HSP90AB1: variants seen among roughly 807,000 people sequenced by gnomAD.
HSP90AB1 encodes heat shock protein HSP 90-beta.
In HSP90AB1, 17 loss-of-function variants were observed where a neutral mutation model predicts 67.8. The observed-to-expected ratio is 0.25, with a 90% confidence interval of 0.17 to 0.38. The LOEUF is 0.38. Ranked by LOEUF, HSP90AB1 falls within the 10% of genes least tolerant of loss-of-function variation. HSP90AB1 has a pLI of 1.00. For missense variants in HSP90AB1, 690 were observed against 899.9 expected, an observed-to-expected ratio of 0.77 and a Z score of 2.98; for synonymous variants, 390 against 312.9, an observed-to-expected ratio of 1.25 and a Z score of -2.60.
At position 44,248,658 on chromosome 6, in the gene HSP90AB1, A is replaced by C. The variant is rs769848345; in HGVS notation, c.29A>C (p.Glu10Ala). The part of the protein sequence containing the change: MPEEVHHGE[E>A]EVETFAFQAE... ...CCTGAGGAAGTGCACCATGGAGAGGAGGAGGTGGAGACTTTTGCCTTTCAG... is the reference window on the plus strand; with the variant it reads ...CCTGAGGAAGTGCACCATGGAGAGGCGGAGGTGGAGACTTTTGCCTTTCAG... Residue 10 changes from glutamate (E) to alanine (A), a missense_variant, in exon 2 of 12, where the codon GAG (glutamate) becomes GCG (alanine). By Grantham distance (107) the Glu-to-Ala change is moderately radical. Around this residue, in one of 7 missense-constraint regions of HSP90AB1, gnomAD observed 25 missense variants for 18.0 expected, o/e 1.39. Transcript: ENST00000371646. 1.9e-6 allele frequency: 3 copies of C among 1,613,790 alleles called. No individual in the cohort carries two copies. In the Admixed American group the frequency reaches 5.0e-5, roughly 27 times the overall value.
At chr6:44,248,923 C>A in intron 2 of HSP90AB1, 147 bp downstream of exon 2, 1 of 755,654 alleles carries the variant, frequency 1.3e-6, no homozygotes, top group Non-Finnish European at 2.2e-6. Flanking sequence ...TTACTCTGGC[C>A]ATCTTGAACT....
chr6:44,249,224 G>C (rs1039674919), intron 2 of HSP90AB1, among the ~76,000 whole-genome samples, 153 bp from the exon 3 acceptor site: 2 of 152,234 alleles, frequency 1.3e-5, no homozygotes, highest in Non-Finnish European at 2.9e-5. Flanking sequence ...TGTAGTCCCA[G>C]CTACTTGGGA....
At position 44,253,883 on chromosome 6, in the gene HSP90AB1, A is replaced by C. The variant is rs1446987810; in HGVS notation, c.*285A>C. 1 of 651,822 alleles carries C rather than the reference A, an allele frequency of 1.5e-6. No homozygotes were observed. Among genetic ancestry groups the C allele is most frequent in the East Asian group, 3.1e-5 (1 of 32,196 alleles). 40.4% of individuals were successfully genotyped at this position (651,822 alleles called of 1,614,324 possible). A position where few individuals can be genotyped will look rare whatever the true frequency, so the allele number is the denominator to read the frequency against. ...AATAAAGAATATGCCGTTTTTATAC[A>C]GTTCTGCTTTCCCTTGTGAAGTGGA... On this transcript the variant is annotated 3_prime_UTR_variant, in exon 12 of 12. Transcript: ENST00000371646.
chr6:44,247,724 C>G (rs911637537), intron 1 of HSP90AB1: 1 of 152,236 alleles, frequency 6.6e-6, no homozygotes, highest in African/African-American at 2.4e-5. Flanking sequence ...GATACTCCCT[C>G]CTTCCAGATC....
Position 44,251,996 on chromosome 6 carries a change from C to T in HSP90AB1, c.1463-3C>T, listed in dbSNP as rs1780701435. ...TCACTGAGTTCATTTAATTACCCTACAGGTGAGAGCAAAGAGCAGGTGGCC... is the reference window on the plus strand; with the variant it reads ...TCACTGAGTTCATTTAATTACCCTATAGGTGAGAGCAAAGAGCAGGTGGCC... On this transcript the variant is annotated splice_region_variant and splice_polypyrimidine_tract_variant and intron_variant, in intron 9 of 11. Transcript: ENST00000371646. The T allele has an allele frequency of 6.2e-7, 1 of 1,614,182 alleles. No individual in the cohort carries two copies. The highest frequency in any genetic ancestry group is 8.5e-7 in the Non-Finnish European group (1 of 1,180,028).
chr6:44,252,241 G>C lies in HSP90AB1; in HGVS notation c.1705G>C (p.Glu569Gln). 1 of 1,613,970 alleles carries C rather than the reference G, an allele frequency of 6.2e-7. No homozygotes were observed. The highest frequency in any genetic ancestry group is 8.5e-7 in the Non-Finnish European group (1 of 1,180,022). The change falls in exon 10 of 12, where the codon GAA (glutamate) becomes CAA (glutamine). Residue 569 changes from glutamate to glutamine, a missense_variant. Around this residue, in one of 7 missense-constraint regions of HSP90AB1, gnomAD observed 206 missense variants for 221.4 expected, o/e 0.93. Coordinates refer to ENST00000371646, the MANE Select transcript of HSP90AB1 (RefSeq NM_007355.4). ...KFENLCKLMK[E>Q]ILDKKVEKVT... ...TGAGAACCTCTGCAAGCTCATGAAA[G>C]AAATCTTAGATAAGAAGGTTGAGAA...
At chr6:44,246,989 T>C (rs1273283353), upstream of HSP90AB1, 3 of 152,126 alleles carry the variant, frequency 2.0e-5, no homozygotes, top group Non-Finnish European at 4.4e-5. Context: ...GGTGGGCTGG[T>C]GGCGGCAGGT....
At chr6:44,252,485 C>T (rs888441707) in intron 10 of HSP90AB1, among the ~76,000 whole-genome samples, 1 of 151,804 alleles carries the variant, frequency 6.6e-6, no homozygotes, top group Admixed American at 6.6e-5. Flanking sequence ...AGATAAAATA[C>T]CATCATTTTC....
chr6:44,253,288 T>G lies in HSP90AB1; in HGVS notation c.1975T>G (p.Phe659Val). Residue 659 changes from phenylalanine to valine, a missense_variant, in exon 11 of 12, where the codon TTT becomes GTT. By Grantham distance (50) the Phe-to-Val change is conservative (BLOSUM62 -1). This residue lies in a region of HSP90AB1 where 120 missense variants were observed against 153.5 expected (regional missense o/e 0.78). Coordinates refer to ENST00000371646, the MANE Select transcript of HSP90AB1 (RefSeq NM_007355.4). ...KAVKDLVVLL[F>V]ETALLSSGFS... ...AGTTAAGGACCTGGTGGTGCTGCTGTTTGAAACCGCCCTGCTATCTTCTGG... is the reference window on the plus strand; with the variant it reads ...AGTTAAGGACCTGGTGGTGCTGCTGGTTGAAACCGCCCTGCTATCTTCTGG... 6.2e-7 allele frequency: 1 copy of G among 1,614,208 alleles called. No homozygotes were observed. The highest frequency in any genetic ancestry group is 8.5e-7 in the Non-Finnish European group (1 of 1,180,040).
intron 6 of HSP90AB1, 33 bp downstream of exon 6, chr6:44,250,632 G>A (rs1780513734): frequency 8.3e-7 from 1 of 1,207,648 alleles, no homozygotes; most frequent in East Asian, 2.3e-5. Context: ...GGCTCAACAT[G>A]CACATATGGA....
chr6:44,251,860 C>G lies in HSP90AB1; in HGVS notation c.1438C>G (p.Gln480Glu). The G allele has an allele frequency of 6.2e-7, 1 of 1,613,036 alleles. No homozygotes were observed. The highest frequency in any genetic ancestry group is 1.1e-5 in the South Asian group (1 of 91,036). Residue 480 changes from glutamine (Q) to glutamate (E), a missense_variant, in exon 9 of 12, where the codon CAG (glutamine) becomes GAG (glutamate). Physicochemically the swap from Gln to Glu is conservative, Grantham distance 29. This residue lies in a region of HSP90AB1 where 206 missense variants were observed against 221.4 expected (regional missense o/e 0.93). Coordinates refer to ENST00000371646, the MANE Select transcript of HSP90AB1 (RefSeq NM_007355.4). Reference protein sequence around the residue: ...SEYVSRMKETQKSIYYITGES... With the variant: ...SEYVSRMKETEKSIYYITGES... ...GTATGTTTCTCGCATGAAGGAGACA[C>G]AGAAGTCCATCTATTACATCACTGG...
At chr6:44,250,747 G>T (rs996545245) in intron 6 of HSP90AB1, 148 bp downstream of exon 6, 1 of 639,692 alleles carries the variant, frequency 1.6e-6, no homozygotes, top group Non-Finnish European at 2.8e-6. Flanking sequence ...TGATTACCCT[G>T]TCATAGTGAA....
At chr6:44,251,293 C>T in intron 7 of HSP90AB1, 80 bp downstream of exon 7, 1 of 1,554,236 alleles carries the variant, frequency 6.4e-7, no homozygotes, top group Non-Finnish European at 8.9e-7. Context: ...TCTAAGGTAA[C>T]AGTTTTCTGC....
At chr6:44,248,538 C>T (rs1780253179) in intron 1 of HSP90AB1, 92 bp from the exon 2 acceptor site, 12 of 1,196,132 alleles carry the variant, frequency 1.0e-5, no homozygotes, top group African/African-American at 1.5e-5. Context: ...TCTGAACTCA[C>T]TGTCTAAGGT....
chr6:44,249,356 A>T (rs768090287), intron 2 of HSP90AB1, 21 bp from the exon 3 acceptor site: 1 of 1,594,644 alleles, frequency 6.3e-7, no homozygotes, highest in East Asian at 2.2e-5. Flanking sequence ...AGCAAAAGTA[A>T]GTTGCTGTTT....
Position 44,253,548 on chromosome 6 carries a change from C to G in HSP90AB1, c.2125C>G (p.Pro709Ala), listed in dbSNP as rs1472739523. Residue 709 changes from proline (P) to alanine (A), a missense_variant, in exon 12 of 12, where the codon CCC becomes GCC. Pro to Ala is a conservative substitution (Grantham distance 27). This residue lies in a region of HSP90AB1 where 120 missense variants were observed against 153.5 expected (regional missense o/e 0.78). Coordinates refer to ENST00000371646, the MANE Select transcript of HSP90AB1 (RefSeq NM_007355.4). ...CAATGCTGCAGTTCCTGATGAGATC[C>G]CCCCTCTCGAGGGCGATGAGGATGC... is the stretch of plus-strand genomic sequence containing the variant. Reference protein sequence around the residue: ...EPNAAVPDEIPPLEGDEDASR... With the variant: ...EPNAAVPDEIAPLEGDEDASR... 3 of 1,613,994 alleles carry G rather than the reference C, an allele frequency of 1.9e-6. No homozygotes were observed. The African/African-American group carries it at 4.0e-5, about 22-fold the overall frequency.
rs1188033687 is a variant in HSP90AB1 at position 44,252,142 on chromosome 6, G to A, written c.1606G>A (p.Val536Ile). The change falls in exon 10 of 12, where the codon GTT becomes ATT. Residue 536 changes from valine to isoleucine, a missense_variant. This residue lies in a region of HSP90AB1 where 206 missense variants were observed against 221.4 expected (regional missense o/e 0.93). Coordinates refer to ENST00000371646, the MANE Select transcript of HSP90AB1 (RefSeq NM_007355.4). ...ATTTGATGGGAAGAGCCTGGTCTCA[G>A]TTACCAAGGAGGGTCTGGAGCTGCC... ...KEFDGKSLVS[V>I]TKEGLELPED... The A allele has an allele frequency of 5.6e-6, 9 of 1,614,052 alleles. No individual in the cohort carries two copies. Among genetic ancestry groups the A allele is most frequent in the Non-Finnish European group, 7.6e-6 (9 of 1,180,032 alleles).
upstream of HSP90AB1, among the ~76,000 whole-genome samples, chr6:44,246,933 C>T (rs1415348685): frequency 6.6e-6 from 1 of 152,210 alleles, no homozygotes; most frequent in African/African-American, 2.4e-5. Flanking sequence ...GGATCCGTTG[C>T]TTGGGTTCTT....
rs35611051 is a variant in HSP90AB1 at position 44,250,895 on chromosome 6, G to A, written c.958-153G>A. Among the ~76,000 whole-genome samples the A allele has an allele frequency of 5.3e-3, 807 of 152,286 alleles. 6 individuals are homozygous for A. The highest frequency in any genetic ancestry group is 0.018 in the African/African-American group (763 of 41,544). On this transcript the variant is annotated intron_variant, in intron 6 of 11. Transcript: ENST00000371646. The stretch of plus-strand genomic sequence containing the variant: ...AGCTAGTACCCATCTAGATCGTGGA[G>A]GGCATTAAGGCTCAGTTTTCTCAGG...
Sources: allele counts gnomAD v4.1 joint callset (sites outside exome capture counted in the v4.1 genomes callset), GRCh38; gene constraint gnomAD v4.1.1; regional missense constraint gnomAD v4.1.1; transcripts MANE v1.5; gene names NCBI Gene and HGNC (gene_info 2026-07-23, HGNC 2026-07-21).